FARP1: variants seen among roughly 807,000 people sequenced by gnomAD.
FARP1 encodes FERM, ARHGEF and pleckstrin domain-containing protein 1.
A neutral mutation model predicts 128.8 loss-of-function variants in FARP1; 52 were observed. That is an observed-to-expected ratio of 0.40 (90% CI 0.32 to 0.51). The LOEUF is 0.51. Ranked by LOEUF, FARP1 falls within the 20% of genes least tolerant of loss-of-function variation. The pLI is 0.45. For synonymous variants in FARP1, 580 were observed against 551.8 expected, an observed-to-expected ratio of 1.05 and a Z score of -0.72; for missense variants, 1,333 against 1,367.9, an observed-to-expected ratio of 0.97 and a Z score of 0.40.
intron 2 of FARP1, among the ~76,000 whole-genome samples, chr13:98,306,243 A>G (rs1315261474): frequency 2.0e-5 from 3 of 152,340 alleles, no homozygotes; most frequent in East Asian, 1.9e-4. Context: ...AAACTGGTGC[A>G]TATCAACCAT....
chr13:98,275,032 TTGAG>T (rs1365224754), intron 2 of FARP1, among the ~76,000 whole-genome samples: 4 of 152,236 alleles, frequency 2.6e-5, no homozygotes, highest in South Asian at 4.1e-4. Context: ...CTTGCCATCC[TTGAG>T]TGAGTCAGTG....
chr13:98,417,495 G>A (rs1280300349), intron 16 of FARP1, among the ~76,000 whole-genome samples: 1 of 145,884 alleles, frequency 6.9e-6, no homozygotes, highest in Non-Finnish European at 1.5e-5. Flanking sequence ...GAACACATGG[G>A]GGTGGAGGGT....
intron 2 of FARP1, among the ~76,000 whole-genome samples, chr13:98,305,783 C>T (rs1469364403): frequency 4.6e-5 from 7 of 152,168 alleles, no homozygotes; most frequent in South Asian, 2.1e-4. Flanking sequence ...CCAGTGTTGA[C>T]GTTCCCCTGG....
intron 13 of FARP1, chr13:98,396,724 C>T: frequency 2.7e-6 from 1 of 375,102 alleles, no homozygotes; most frequent in Non-Finnish European, 4.7e-6. Context: ...AACAGCAAGT[C>T]CTAATGACAA....
At chr13:98,391,631 G>T (rs1360699647) in intron 11 of FARP1, among the ~76,000 whole-genome samples, 2 of 152,224 alleles carry the variant, frequency 1.3e-5, no homozygotes, top group Admixed American at 1.3e-4. Flanking sequence ...AGCCCTTAGT[G>T]TGTGCCAGGC....
Position 98,446,686 on chromosome 13 carries a change from C to T in FARP1, c.2925C>T (p.Ser975=). The change falls in exon 26 of 27, where the codon AGC becomes AGT. Residue 975 remains serine, a synonymous_variant. Coordinates refer to ENST00000319562, the MANE Select transcript of FARP1 (RefSeq NM_005766.4). ...KSHQDNHPLA[S]LPLLGYSLTI... ...TCCAGGACAATCATCCCCTTGCCAG[C>T]CTGCCTCTGCTCGGCTACTCGCTCA... 6.2e-7 allele frequency: 1 copy of T among 1,614,134 alleles called. No individual in the cohort carries two copies.
At chr13:98,256,958 T>TGG (rs1883637770) in intron 2 of FARP1, among the ~76,000 whole-genome samples, 8 of 92,352 alleles carry the variant, frequency 8.7e-5, no homozygotes, top group Middle Eastern at 5.0e-3. Context: ...GATATATATA[T>TGG]ATATATATAT....
At chr13:98,150,235 T>C (rs931618643) in intron 1 of FARP1, among the ~76,000 whole-genome samples, 1 of 152,066 alleles carries the variant, frequency 6.6e-6, no homozygotes, top group African/African-American at 2.4e-5. Context: ...TTCACCATGT[T>C]GGCCAAGCTG....
intron 16 of FARP1, 34 bp downstream of exon 16, chr13:98,412,068 C>T (rs754928563): frequency 6.9e-6 from 11 of 1,604,258 alleles, no homozygotes; most frequent in Non-Finnish European, 9.4e-6. Context: ...CTACGTTCCT[C>T]CCTCCGTCTT....
At position 98,372,566 on chromosome 13, in the gene FARP1, G is replaced by A. The variant is rs368850024; in HGVS notation, c.398+4371G>A. ...GAACATGCTGCTCTGCGCCCTGCAC[G>A]CCCTACTGAAGTGTTCTCTTAGACT... is the stretch of plus-strand genomic sequence containing the variant. On this transcript the variant is annotated intron_variant, in intron 5 of 26. Coordinates refer to ENST00000319562, the MANE Select transcript of FARP1 (RefSeq NM_005766.4). Among the ~76,000 whole-genome samples, 6 of 152,112 alleles carry A rather than the reference G, an allele frequency of 3.9e-5. No homozygotes were observed. In the South Asian group the frequency reaches 6.2e-4, roughly 16 times the overall value.
At chr13:98,268,778 T>TTGTGTGTGTGTGTGTGTGTGTGTGTG in intron 2 of FARP1, among the ~76,000 whole-genome samples, 1 of 148,184 alleles carries the variant, frequency 6.7e-6, no homozygotes, top group Non-Finnish European at 1.5e-5. Context: ...TTTCCCTTCT[T>TTGTGTGTGTGTGTGTGTGTGTGTGTG]TGTGTGTGTG....
chr13:98,245,450 C>T (rs117897047), intron 2 of FARP1: 7,622 of 527,438 alleles, frequency 0.014, 81 homozygotes, highest in Non-Finnish European at 0.017. Context: ...CTAAGTAATA[C>T]GAAGTGAGTA....
chr13:98,433,649 T>A (rs949281735), intron 18 of FARP1: 28 of 152,474 alleles, frequency 1.8e-4, no homozygotes, highest in African/African-American at 6.5e-4. Flanking sequence ...AGCCCAGGAG[T>A]TGGAGGCTGC....
At chr13:98,380,815 G>A (rs1358380527) in intron 6 of FARP1, among the ~76,000 whole-genome samples, 1 of 152,096 alleles carries the variant, frequency 6.6e-6, no homozygotes, top group Non-Finnish European at 1.5e-5. Context: ...CTGAGCTCAA[G>A]TGATCTTCCC....
intron 2 of FARP1, among the ~76,000 whole-genome samples, chr13:98,317,368 G>A (rs867113161): frequency 1.1e-3 from 161 of 152,220 alleles, no homozygotes; most frequent in African/African-American, 3.8e-3. Context: ...CAAGGGATCC[G>A]CCTGCCTCAG....
At chr13:98,242,175 G>A (rs1882807647) in intron 2 of FARP1, among the ~76,000 whole-genome samples, 1 of 152,214 alleles carries the variant, frequency 6.6e-6, no homozygotes, top group African/African-American at 2.4e-5. Flanking sequence ...CACCCTGAAA[G>A]TGTTGTTTGA....
At chr13:98,423,156 AT>A (rs1282887869) in intron 16 of FARP1, among the ~76,000 whole-genome samples, 4 of 152,128 alleles carry the variant, frequency 2.6e-5, no homozygotes, top group African/African-American at 9.7e-5. Context: ...CTGGCAGCCG[AT>A]TAGGTTGTGC....
chr13:98,312,888 A>T (rs1483916685), intron 2 of FARP1, among the ~76,000 whole-genome samples: 2 of 152,040 alleles, frequency 1.3e-5, no homozygotes, highest in African/African-American at 4.8e-5. Flanking sequence ...ACTTTATCAC[A>T]GACATAATTT....
rs367979088 is a variant in FARP1 at position 98,165,694 on chromosome 13, A to C, written c.-24+22202A>C. 2.1e-4 allele frequency among the ~76,000 whole-genome samples: 24 copies of C among 112,540 alleles called. 1 individual carries two copies. The East Asian group carries it at 4.3e-3, about 20-fold the overall frequency. 73.8% of individuals were successfully genotyped at this position (112,540 alleles called of 152,430 possible). A position where few individuals can be genotyped will look rare whatever the true frequency, so the allele number is the denominator to read the frequency against. ...CTCTCATCATTAAAAAAAAAAAAAA[A>C]ACCCTTCCAGAAGGGGTTTTTTTTT... On this transcript the variant is annotated intron_variant, in intron 1 of 26. Transcript: ENST00000319562.
Sources: allele counts gnomAD v4.1 joint callset (sites outside exome capture counted in the v4.1 genomes callset), GRCh38; gene constraint gnomAD v4.1.1; transcripts MANE v1.5; gene names NCBI Gene and HGNC (gene_info 2026-07-23, HGNC 2026-07-21).